Variants in SULT2B1 observed in about 807,000 individuals in gnomAD.
SULT2B1 encodes the protein sulfotransferase family 2B member 1, also known as sulfotransferase 2B1.
In SULT2B1, 16 loss-of-function variants were observed where a neutral mutation model predicts 33.2. That is an observed-to-expected ratio of 0.48 (90% CI 0.33 to 0.73). The LOEUF (loss-of-function observed/expected upper bound fraction) is 0.73, where lower values mean the gene tolerates loss of function less well. SULT2B1 is among the 30% of genes least tolerant of loss of function. The pLI, the probability that SULT2B1 is intolerant of heterozygous loss-of-function variation, is 0.02. For synonymous variants in SULT2B1, 186 were observed against 200.5 expected, an observed-to-expected ratio of 0.93 and a Z score of 0.61; for missense variants, 500 against 506.0, an observed-to-expected ratio of 0.99 and a Z score of 0.11.
Position 48,552,368 on chromosome 19 carries a change from G to A in SULT2B1, c.71+45G>A. On this transcript the variant is annotated intron_variant, in intron 1 of 6. Transcript: ENST00000201586. The surrounding 1 kb of genome is among the most constrained non-coding windows in gnomAD (Gnocchi z 4.8). ...AGGAGCCAGGAGATCCCAGGGAGGA[G>A]GTGGCTGTTTGGGGGAGCCGGGGAC... 1 of 1,604,958 alleles carries A rather than the reference G, an allele frequency of 6.2e-7. No homozygotes were observed. The highest frequency in any genetic ancestry group is 8.5e-7 in the Non-Finnish European group (1 of 1,174,108).
intron 2 of SULT2B1, among the ~76,000 whole-genome samples, chr19:48,581,449 T>C (rs1198174021): frequency 3.3e-5 from 5 of 150,482 alleles, no homozygotes; most frequent in Non-Finnish European, 7.4e-5. Context: ...ATTGGATTGT[T>C]TTCTTATCAT....
intron 2 of SULT2B1, among the ~76,000 whole-genome samples, chr19:48,579,180 G>A (rs938589774): frequency 6.6e-6 from 1 of 151,548 alleles, no homozygotes; most frequent in African/African-American, 2.4e-5. Flanking sequence ...TTTATGTTAT[G>A]TATAAACTAT....
chr19:48,589,569 G>A (rs1220811707), intron 3 of SULT2B1, among the ~76,000 whole-genome samples: 1 of 152,170 alleles, frequency 6.6e-6, no homozygotes, highest in Admixed American at 6.5e-5. Flanking sequence ...AAGTCCCCAA[G>A]ACCACCCTCA....
intron 1 of SULT2B1, among the ~76,000 whole-genome samples, chr19:48,570,913 G>A (rs1009052529): frequency 8.6e-5 from 13 of 151,490 alleles, no homozygotes; most frequent in East Asian, 3.9e-4. Context: ...TAGTAGAGAC[G>A]GGGTTTCACC....
chr19:48,553,971 C>CTT (rs533943916), intron 1 of SULT2B1, among the ~76,000 whole-genome samples: 64 of 151,990 alleles, frequency 4.2e-4, no homozygotes, highest in African/African-American at 1.5e-3. Context: ...ACCTGGGAGC[C>CTT]TTTTTTTTAT....
intron 2 of SULT2B1, among the ~76,000 whole-genome samples, chr19:48,586,465 G>A (rs1027947694): frequency 6.6e-6 from 1 of 152,198 alleles, no homozygotes; most frequent in Non-Finnish European, 1.5e-5. Context: ...AGCAGAGAGG[G>A]AGTGGAGAGT....
chr19:48,576,107 G>C (rs16982151), intron 2 of SULT2B1, 24 bp downstream of exon 2: 7 of 1,584,108 alleles, frequency 4.4e-6, no homozygotes, highest in Non-Finnish European at 6.0e-6. Flanking sequence ...TGCGGGCGTC[G>C]GGGGCTGGGG....
At chr19:48,557,203 C>T (rs1162756305) in intron 1 of SULT2B1, among the ~76,000 whole-genome samples, 1 of 152,110 alleles carries the variant, frequency 6.6e-6, no homozygotes, top group Admixed American at 6.6e-5. Context: ...ATGCATCGCT[C>T]AGAATGTTCT....
At position 48,572,232 on chromosome 19, in the gene SULT2B1, G is replaced by C. The variant is rs565444789; in HGVS notation, c.72-3709G>C. On this transcript the variant is annotated intron_variant, in intron 1 of 6. Transcript: ENST00000201586. ...GGTCTGCATTTAGAGGGTGACATCT[G>C]TGCTGGGAGCGGTGGCTCATGCCTG... Among the ~76,000 whole-genome samples, 3 of 152,166 alleles carry C rather than the reference G, an allele frequency of 2.0e-5. No individual in the cohort carries two copies. In the South Asian group the frequency reaches 6.2e-4, roughly 32 times the overall value.
intron 1 of SULT2B1, among the ~76,000 whole-genome samples, chr19:48,559,405 C>G (rs1263455076): frequency 6.6e-6 from 1 of 151,794 alleles, no homozygotes; most frequent in East Asian, 1.9e-4. Flanking sequence ...GAGTCTTGCT[C>G]TGTCGCCCAG....
chr19:48,586,515 G>A (rs561013016), intron 2 of SULT2B1, among the ~76,000 whole-genome samples: 51 of 152,254 alleles, frequency 3.3e-4, no homozygotes, highest in African/African-American at 1.1e-3. Context: ...GGAAATAGCC[G>A]CACATCACAT....
chr19:48,574,729 T>A (rs936659254), intron 1 of SULT2B1, among the ~76,000 whole-genome samples: 2 of 152,198 alleles, frequency 1.3e-5, no homozygotes, highest in Non-Finnish European at 2.9e-5. Flanking sequence ...TGAAGTCCGC[T>A]GCCCAAGGCA....
rs564111209 is a variant in SULT2B1 at position 48,552,726 on chromosome 19, G to T, written c.71+403G>T. On this transcript the variant is annotated intron_variant, in intron 1 of 6. Coordinates refer to ENST00000201586, the MANE Select transcript of SULT2B1 (RefSeq NM_177973.2). This position sits in a 1 kb window ranked among gnomAD's most constrained non-coding sequence, Gnocchi z 4.8. Reference sequence around the variant, plus strand: ...CACCCCATGCAAGCCCTGAAATAACGGGGGTGCTTGGGGGTGAAATGGGAG... The same window carrying T: ...CACCCCATGCAAGCCCTGAAATAACTGGGGTGCTTGGGGGTGAAATGGGAG... Among the ~76,000 whole-genome samples, 1 of 152,112 alleles carries T rather than the reference G, an allele frequency of 6.6e-6. No homozygotes were observed. The highest frequency in any genetic ancestry group is 1.5e-5 in the Non-Finnish European group (1 of 68,010).
intron 1 of SULT2B1, among the ~76,000 whole-genome samples, chr19:48,560,230 G>T (rs1226622278): frequency 6.6e-6 from 1 of 152,280 alleles, no homozygotes; most frequent in African/African-American, 2.4e-5. Flanking sequence ...GCAAGGGAGG[G>T]GATGGGTGAG....
chr19:48,598,859 G>A (rs1973758752), intron 6 of SULT2B1, among the ~76,000 whole-genome samples: 1 of 152,116 alleles, frequency 6.6e-6, no homozygotes, highest in Admixed American at 6.6e-5. Context: ...TCTGGGCAGA[G>A]ACTTAAAGGG....
At chr19:48,597,639 G>A (rs1456519218) in intron 6 of SULT2B1, among the ~76,000 whole-genome samples, 3 of 55,236 alleles carry the variant, frequency 5.4e-5, no homozygotes, top group African/African-American at 7.8e-5. Context: ...CACCGCGCCC[G>A]GCCTTTTCTT....
intron 3 of SULT2B1, among the ~76,000 whole-genome samples, chr19:48,589,690 G>A (rs889299077): frequency 2.6e-5 from 4 of 152,174 alleles, no homozygotes; most frequent in East Asian, 3.9e-4. Flanking sequence ...GGCCGGGCGC[G>A]GTGGCTCACG....
chr19:48,596,980 AG>A, intron 6 of SULT2B1, 61 bp downstream of exon 6: 1 of 1,476,484 alleles, frequency 6.8e-7, no homozygotes, highest in Non-Finnish European at 9.0e-7. Context: ...GACCTGGGAG[AG>A]TTACTTAACC....
At chr19:48,564,456 G>A (rs1284702547) in intron 1 of SULT2B1, among the ~76,000 whole-genome samples, 1 of 146,642 alleles carries the variant, frequency 6.8e-6, no homozygotes, top group Non-Finnish European at 1.5e-5. Flanking sequence ...GGGAGGCTGA[G>A]GAAGGAGAAT....
Sources: allele counts gnomAD v4.1 joint callset (sites outside exome capture counted in the v4.1 genomes callset), GRCh38; gene constraint gnomAD v4.1.1; non-coding constraint Gnocchi (gnomAD v3.1); transcripts MANE v1.5; gene names NCBI Gene and HGNC (gene_info 2026-07-23, HGNC 2026-07-21).